Variants in ANKS1B observed in about 807,000 individuals in gnomAD.
ANKS1B encodes the protein ankyrin repeat and sterile alpha motif domain containing 1B.
A neutral mutation model predicts 148.3 loss-of-function variants in ANKS1B; 36 were observed. The ratio of observed to expected loss-of-function variants is 0.24; its 90% CI spans 0.19 to 0.32. The LOEUF is 0.32. Ranked by LOEUF, ANKS1B falls within the 10% of genes least tolerant of loss-of-function variation. The pLI, the probability that ANKS1B is intolerant of heterozygous loss-of-function variation, is 1.00. For missense variants in ANKS1B, 1,157 were observed against 1,542.6 expected, an observed-to-expected ratio of 0.75 and a Z score of 4.19; for synonymous variants, 542 against 560.8, an observed-to-expected ratio of 0.97 and a Z score of 0.47.
intron 8 of ANKS1B, among the ~76,000 whole-genome samples, chr12:99,771,564 G>A (rs1184206355): frequency 6.6e-6 from 1 of 151,986 alleles, no homozygotes; most frequent in African/African-American, 2.4e-5. Context: ...CCTGGAGACA[G>A]CATACACCTA....
intron 15 of ANKS1B, among the ~76,000 whole-genome samples, chr12:99,108,808 T>C (rs1566127050): frequency 6.6e-6 from 1 of 152,122 alleles, no homozygotes; most frequent in Non-Finnish European, 1.5e-5. Flanking sequence ...AAGCTTTCAG[T>C]AGGACACTTT....
intron 8 of ANKS1B, among the ~76,000 whole-genome samples, chr12:99,718,712 C>T (rs1855082953): frequency 6.6e-6 from 1 of 152,182 alleles, no homozygotes. Flanking sequence ...TCTTCAATAC[C>T]TCCCTCAACA....
At chr12:99,956,145 G>T (rs931014592) in intron 1 of ANKS1B, among the ~76,000 whole-genome samples, 6 of 151,898 alleles carry the variant, frequency 4.0e-5, no homozygotes, top group African/African-American at 1.2e-4. Flanking sequence ...AGGTGTGGTG[G>T]TGGGCGCCTA....
At chr12:98,791,759 T>A (rs2098863876) in intron 22 of ANKS1B, among the ~76,000 whole-genome samples, 1 of 152,162 alleles carries the variant, frequency 6.6e-6, no homozygotes, top group Non-Finnish European at 1.5e-5. Context: ...GTTTAAAAGT[T>A]TTTTTTCCCA....
chr12:98,960,078 C>T (rs1478921610), intron 17 of ANKS1B, among the ~76,000 whole-genome samples: 1 of 152,226 alleles, frequency 6.6e-6, no homozygotes, highest in Non-Finnish European at 1.5e-5. Context: ...GGGAAGGACA[C>T]AAGCCTGGCT....
chr12:98,942,848 A>G (rs954024190), intron 17 of ANKS1B, among the ~76,000 whole-genome samples: 4 of 152,232 alleles, frequency 2.6e-5, no homozygotes, highest in Non-Finnish European at 4.4e-5. Flanking sequence ...AATATTGAAG[A>G]GTTCAAATGA....
rs559649620 is a variant in ANKS1B at position 99,816,872 on chromosome 12, A to G, written c.216-4561T>C. 4.0e-5 allele frequency among the ~76,000 whole-genome samples: 6 copies of G among 151,814 alleles called. No homozygotes were observed. In the South Asian group the frequency reaches 1.2e-3, roughly 31 times the overall value. On this transcript the variant is annotated intron_variant, in intron 2 of 26. Transcript: ENST00000683438. ...TCTAAATTAGAAGAGCAGTTAATATAGTGTAGTACCAACTTAGTATTTTTA... is the reference window on the plus strand; with the variant it reads ...TCTAAATTAGAAGAGCAGTTAATATGGTGTAGTACCAACTTAGTATTTTTA...
At chr12:99,302,822 T>G (rs539759300) in intron 12 of ANKS1B, among the ~76,000 whole-genome samples, 2 of 152,298 alleles carry the variant, frequency 1.3e-5, no homozygotes, top group East Asian at 3.9e-4. Flanking sequence ...CACTTGCTTT[T>G]CATCATCTAA....
chr12:99,220,792 T>C (rs1278853879), intron 14 of ANKS1B, among the ~76,000 whole-genome samples: 1 of 152,052 alleles, frequency 6.6e-6, no homozygotes, highest in Non-Finnish European at 1.5e-5. Flanking sequence ...GACTATTAAT[T>C]CATTCAATAA....
chr12:98,883,624 T>C (rs745710092), intron 17 of ANKS1B, among the ~76,000 whole-genome samples: 2 of 152,200 alleles, frequency 1.3e-5, no homozygotes, highest in East Asian at 1.9e-4. Context: ...AATTATTGCA[T>C]GGAATTAAGT....
chr12:99,894,442 A>G (rs2093296628), intron 1 of ANKS1B, among the ~76,000 whole-genome samples: 1 of 150,960 alleles, frequency 6.6e-6, no homozygotes, highest in Non-Finnish European at 1.5e-5. Flanking sequence ...CTGGGAGGTC[A>G]AGGCTGCAGT....
chr12:99,839,755 T>C (rs1325601187), intron 1 of ANKS1B, among the ~76,000 whole-genome samples: 2 of 152,128 alleles, frequency 1.3e-5, no homozygotes, highest in Non-Finnish European at 2.9e-5. Flanking sequence ...GTGAAGTACC[T>C]TGGTTCAGGT....
chr12:99,450,148 T>C (rs2095708022), intron 10 of ANKS1B, among the ~76,000 whole-genome samples: 1 of 152,124 alleles, frequency 6.6e-6, no homozygotes, highest in South Asian at 2.1e-4. Context: ...AGCCAACATT[T>C]CAGTCCAAGT....
rs397850118 is a variant in ANKS1B at position 98,802,594 on chromosome 12, C to CTTTTTTTTTT, written c.3142-1479_3142-1470dup. ...CTAGAGGACTTCAGTAATGCACAGG[C>CTTTTTTTTTT]TTTTTTTTTTTTTTTTTTTTTTTTT... On this transcript the variant is annotated intron_variant, in intron 20 of 26. Coordinates refer to ENST00000683438, the MANE Select transcript of ANKS1B (RefSeq NM_001352186.2). Among the ~76,000 whole-genome samples, 14 of 34,790 alleles carry CTTTTTTTTTT rather than the reference C, an allele frequency of 4.0e-4. 4 individuals carry two copies. The highest frequency in any genetic ancestry group is 3.6e-3 in the East Asian group (3 of 832). The allele number at this position is 34,790 out of a possible 152,430, so 22.8% of individuals were successfully genotyped here.
rs375500540 is a variant in ANKS1B at position 98,896,820 on chromosome 12, C to T, written c.2779-64684G>A. 1.5e-4 allele frequency among the ~76,000 whole-genome samples: 23 copies of T among 152,296 alleles called. No individual in the cohort carries two copies. In the East Asian group the frequency reaches 2.9e-3, roughly 19 times the overall value. On this transcript the variant is annotated intron_variant, in intron 17 of 26. Coordinates refer to ENST00000683438, the MANE Select transcript of ANKS1B (RefSeq NM_001352186.2). ...TTAGTTCTGTGTCTTACTCTGCAAT[C>T]CAGACACCTGTGACTTGAGGTAAAG... is the stretch of plus-strand genomic sequence containing the variant.
Position 98,906,163 on chromosome 12 carries a change from A to G in ANKS1B, c.2779-74027T>C, listed in dbSNP as rs576147798. Among the ~76,000 whole-genome samples the G allele has an allele frequency of 1.2e-3, 185 of 152,336 alleles. 1 individual carries two copies. Among genetic ancestry groups the G allele is most frequent in the Non-Finnish European group, 2.4e-3 (162 of 68,022 alleles). ...AATTTGCTTTTCTCTCCTTTCTCTC[A>G]GCTGCTTTCTCCTACTATGATGTAG... On this transcript the variant is annotated intron_variant, in intron 17 of 26. Coordinates refer to ENST00000683438, the MANE Select transcript of ANKS1B (RefSeq NM_001352186.2).
chr12:99,496,988 T>G (rs899805136), intron 10 of ANKS1B, among the ~76,000 whole-genome samples: 3 of 152,112 alleles, frequency 2.0e-5, no homozygotes, highest in Non-Finnish European at 4.4e-5. Flanking sequence ...TGTGCTCAGT[T>G]TTAATCCCTA....
At chr12:98,954,862 T>C (rs1040931844) in intron 17 of ANKS1B, among the ~76,000 whole-genome samples, 1 of 152,144 alleles carries the variant, frequency 6.6e-6, no homozygotes, top group African/African-American at 2.4e-5. Context: ...ACATATATTA[T>C]ATAATTTTGT....
At chr12:99,397,447 A>G (rs1212686335) in intron 12 of ANKS1B, among the ~76,000 whole-genome samples, 2 of 152,152 alleles carry the variant, frequency 1.3e-5, no homozygotes, top group Non-Finnish European at 2.9e-5. Context: ...TACATTCTAG[A>G]AAGACGACAA....
Sources: allele counts gnomAD v4.1 joint callset (sites outside exome capture counted in the v4.1 genomes callset), GRCh38; gene constraint gnomAD v4.1.1; transcripts MANE v1.5; gene names NCBI Gene and HGNC (gene_info 2026-07-23, HGNC 2026-07-21).